Variants in BMPR1A observed in about 807,000 individuals in gnomAD.
BMPR1A encodes bone morphogenetic protein receptor type-1A.
A neutral mutation model predicts 66.0 loss-of-function variants in BMPR1A; 7 were observed. The observed-to-expected ratio is 0.11, with a 90% confidence interval of 0.06 to 0.20. BMPR1A has a LOEUF of 0.20. Ranked by LOEUF, BMPR1A falls within the 10% of genes least tolerant of loss-of-function variation. The probability of loss-of-function intolerance (pLI) is 1.00; values close to 1 mark genes in which losing one functional copy is unlikely to be tolerated. For synonymous variants in BMPR1A, 200 were observed against 229.7 expected (o/e 0.87, Z 1.17); for missense variants, 408 against 669.1 (o/e 0.61, Z 4.31).
chr10:86,894,809 A>G (rs1843202299), intron 5 of BMPR1A, among the ~76,000 whole-genome samples: 1 of 152,204 alleles, frequency 6.6e-6, no homozygotes, highest in South Asian at 2.1e-4. Context: ...TCTTTAATAG[A>G]GCAGTCTTCA....
intron 7 of BMPR1A, among the ~76,000 whole-genome samples, chr10:86,900,811 G>A (rs1564718164): frequency 6.6e-6 from 1 of 152,182 alleles, no homozygotes; most frequent in East Asian, 1.9e-4. Flanking sequence ...TTAGGGAGGT[G>A]ATGCGAAAGT....
intron 7 of BMPR1A, among the ~76,000 whole-genome samples, chr10:86,906,048 T>C (rs1448013891): frequency 6.6e-6 from 1 of 152,206 alleles, no homozygotes. Flanking sequence ...TTTAACCTCT[T>C]GGAGTGCAGG....
rs1332467029 is a variant in BMPR1A, at chr10:86,906,494, C to T, written c.531-5746C>T. On this transcript the variant is annotated intron_variant, in intron 7 of 12. Coordinates refer to ENST00000372037, the MANE Select transcript of BMPR1A (RefSeq NM_004329.3). ...CAGCACTTTGGGAGGCCGAGGCGGG[C>T]GGATCACGAGGCCAGGAGATCGAGA... Among the ~76,000 whole-genome samples, 3 of 40,418 alleles carry T rather than the reference C, an allele frequency of 7.4e-5. 1 individual carries two copies. The highest frequency in any genetic ancestry group is 1.1e-4 in the Non-Finnish European group (3 of 26,428). The allele number at this position is 40,418 out of a possible 152,430, so 26.5% of individuals were successfully genotyped here.
chr10:86,913,645 C>A (rs377548479), intron 8 of BMPR1A, among the ~76,000 whole-genome samples: 18 of 152,090 alleles, frequency 1.2e-4, no homozygotes, highest in Non-Finnish European at 2.4e-4. Flanking sequence ...TAGCAACAAA[C>A]AATTAGGTAA....
chr10:86,921,428 A>T, intron 10 of BMPR1A, 92 bp from the exon 11 acceptor site: 2 of 1,546,208 alleles, frequency 1.3e-6, no homozygotes, highest in Non-Finnish European at 1.8e-6. Context: ...CCCCAAGGAG[A>T]AAAAGAAGCT....
chr10:86,784,124 C>T (rs1354092076), intron 1 of BMPR1A, among the ~76,000 whole-genome samples: 4 of 151,808 alleles, frequency 2.6e-5, no homozygotes, highest in African/African-American at 4.8e-5. Context: ...CCTCCTTTTT[C>T]TGATTGTACT....
intron 2 of BMPR1A, among the ~76,000 whole-genome samples, chr10:86,850,529 G>C (rs1011306950): frequency 6.6e-6 from 1 of 152,170 alleles, no homozygotes; most frequent in African/African-American, 2.4e-5. Flanking sequence ...AAGCTAGCCA[G>C]CTCTGCCCAG....
intron 3 of BMPR1A, among the ~76,000 whole-genome samples, chr10:86,882,151 G>T (rs1006311420): frequency 6.6e-6 from 1 of 152,216 alleles, no homozygotes; most frequent in Non-Finnish European, 1.5e-5. Flanking sequence ...ATGGGTATGT[G>T]TGGGTTCATT....
chr10:86,910,019 G>A (rs992395178), intron 7 of BMPR1A, among the ~76,000 whole-genome samples: 1 of 152,032 alleles, frequency 6.6e-6, no homozygotes, highest in Admixed American at 6.6e-5. Flanking sequence ...AATGCAATAA[G>A]ACTAGAAACC....
intron 8 of BMPR1A, among the ~76,000 whole-genome samples, chr10:86,913,930 A>G (rs931240914): frequency 6.6e-6 from 1 of 152,226 alleles, no homozygotes; most frequent in African/African-American, 2.4e-5. Flanking sequence ...ATGGAAATGC[A>G]AAGGACTAGA....
At chr10:86,797,520 T>G (rs1377276623) in intron 1 of BMPR1A, among the ~76,000 whole-genome samples, 1 of 151,984 alleles carries the variant, frequency 6.6e-6, no homozygotes, top group Non-Finnish European at 1.5e-5. Flanking sequence ...CATGAACTAC[T>G]GCGCCCAGCC....
chr10:86,758,612 G>T (rs1847919017), intron 1 of BMPR1A, among the ~76,000 whole-genome samples: 2 of 152,020 alleles, frequency 1.3e-5, no homozygotes, highest in South Asian at 4.2e-4. Flanking sequence ...AAGCTTGTTC[G>T]TAATAAAAGT....
intron 2 of BMPR1A, among the ~76,000 whole-genome samples, chr10:86,862,432 T>C (rs555094471): frequency 2.0e-5 from 3 of 152,256 alleles, no homozygotes; most frequent in East Asian, 1.9e-4. Flanking sequence ...CTGGAGACTT[T>C]AGCTTTTTGT....
intron 1 of BMPR1A, among the ~76,000 whole-genome samples, chr10:86,787,778 G>A (rs1445150992): frequency 6.6e-6 from 1 of 152,104 alleles, no homozygotes; most frequent in East Asian, 1.9e-4. Context: ...GAGGAAGCAG[G>A]CCTATCTTCA....
intron 2 of BMPR1A, chr10:86,856,078 C>A: frequency 1.8e-6 from 1 of 561,638 alleles, no homozygotes. Flanking sequence ...ACAAAAATTG[C>A]TGCAAAAAGA....
chr10:86,884,977 C>G (rs573985024), intron 3 of BMPR1A, among the ~76,000 whole-genome samples: 2 of 152,252 alleles, frequency 1.3e-5, no homozygotes, highest in East Asian at 3.9e-4. Flanking sequence ...TAAAATAAGC[C>G]TAATCATTCA....
rs115730950 is a variant in BMPR1A at position 86,771,114 on chromosome 10, T to G, written c.-268+14195T>G. The stretch of plus-strand genomic sequence containing the variant: ...GTATCATTTAATTTTATCTCAGATT[T>G]ATAAGCTGTATATTATATGATAACC... On this transcript the variant is annotated intron_variant, in intron 1 of 12. Transcript: ENST00000372037. 4.2e-3 allele frequency among the ~76,000 whole-genome samples: 643 copies of G among 152,352 alleles called. 7 individuals are homozygous for G. Among genetic ancestry groups the G allele is most frequent in the African/African-American group, 0.015 (609 of 41,594 alleles).
chr10:86,774,967 G>T (rs1018182011), intron 1 of BMPR1A, among the ~76,000 whole-genome samples: 1 of 152,182 alleles, frequency 6.6e-6, no homozygotes, highest in Non-Finnish European at 1.5e-5. Context: ...AACCCAACGG[G>T]TAAAATACTT....
chr10:86,804,854 T>C (rs1841868024), intron 1 of BMPR1A, among the ~76,000 whole-genome samples: 1 of 143,844 alleles, frequency 7.0e-6, no homozygotes, highest in Non-Finnish European at 1.5e-5. Flanking sequence ...GGGTTTAGAA[T>C]AGCAGAAATT....
Sources: allele counts gnomAD v4.1 joint callset (sites outside exome capture counted in the v4.1 genomes callset), GRCh38; gene constraint gnomAD v4.1.1; transcripts MANE v1.5; gene names NCBI Gene and HGNC (gene_info 2026-07-23, HGNC 2026-07-21).